Variants in IFITM10 observed in about 807,000 individuals in gnomAD.
IFITM10 encodes interferon induced transmembrane protein 10, also known as interferon-induced transmembrane protein 10.
In IFITM10, 17 loss-of-function variants were observed where a neutral mutation model predicts 19.0. The observed-to-expected ratio is 0.90, with a 90% CI of 0.61 to 1.34. IFITM10 has a LOEUF of 1.34. Among genes scored for constraint, IFITM10 ranks in the 40% most tolerant of loss-of-function variants. The pLI, the probability that IFITM10 is intolerant of heterozygous loss-of-function variation, is 0.00. For missense variants in IFITM10, 306 were observed against 319.8 expected (o/e 0.96, Z 0.33); for synonymous variants, 148 against 147.2 (o/e 1.01, Z -0.04).
rs1308630264 is a variant in IFITM10 at position 1,735,360 on chromosome 11, T to C, written c.607A>G (p.Asn203Asp). The C allele has an allele frequency of 6.4e-7, 1 of 1,551,578 alleles. No individual in the cohort carries two copies. The highest frequency in any genetic ancestry group is 1.4e-5 in the African/African-American group (1 of 73,038). Reference sequence around the variant, plus strand: ...GCTGCCAGGGCAGAACTGGTGATGTTGAACAGCCGGGCCGTCTTTGCATCC... The same window carrying C: ...GCTGCCAGGGCAGAACTGGTGATGTCGAACAGCCGGGCCGTCTTTGCATCC... ...VEDAKTARLF[N>D]ITSSALAASC... Residue 203 changes from asparagine to aspartate, a missense_variant, in exon 3 of 3, where the codon AAC (asparagine) becomes GAC (aspartate). Physicochemically the swap from Asn to Asp is conservative, Grantham distance 23. Transcript: ENST00000340134.
intron 2 of IFITM10, among the ~76,000 whole-genome samples, chr11:1,743,909 C>T (rs1300682811): frequency 1.3e-5 from 2 of 152,084 alleles, no homozygotes; most frequent in East Asian, 1.9e-4. Flanking sequence ...CAGCCCCTCA[C>T]GAGGTTTTCA....
intron 2 of IFITM10, among the ~76,000 whole-genome samples, chr11:1,741,152 C>T (rs181989399): frequency 9.2e-5 from 14 of 151,972 alleles, no homozygotes; most frequent in African/African-American, 1.4e-4. Context: ...TGTGCAAGAA[C>T]GGCCTAATAC....
rs1565015628 is a variant in IFITM10 at position 1,748,094 on chromosome 11, G to A, written c.110C>T (p.Ala37Val). The A allele has an allele frequency of 7.1e-7, 1 of 1,405,286 alleles. No individual in the cohort carries two copies. Among genetic ancestry groups the A allele is most frequent in the Non-Finnish European group, 9.2e-7 (1 of 1,087,392 alleles). The allele number at this position is 1,405,286 out of a possible 1,614,324, so 87.1% of individuals were successfully genotyped here. Reference protein sequence around the residue: ...LEAQGPGQCPAPLGDPASTTD... With the variant: ...LEAQGPGQCPVPLGDPASTTD... The stretch of plus-strand genomic sequence containing the variant: ...GGTGCTGGCCGGGTCTCCCAGCGGG[G>A]CTGGGCACTGGCCGGGGCCCTGGGC... The change falls in exon 2 of 3, where the codon GCC (alanine) becomes GTC (valine). Residue 37 changes from alanine (A) to valine (V), a missense_variant. Physicochemically the swap from Ala to Val is moderately conservative, Grantham distance 64 (BLOSUM62 0). Coordinates refer to ENST00000340134, the MANE Select transcript of IFITM10 (RefSeq NM_001170820.4).
intron 1 of IFITM10, 152 bp downstream of exon 1, chr11:1,750,207 C>G (rs2133653318): frequency 2.3e-6 from 2 of 852,436 alleles, no homozygotes; most frequent in South Asian, 1.1e-4. Context: ...CACATCCTCA[C>G]TCTCACGGTA....
chr11:1,735,426 G>A lies in IFITM10; in HGVS notation c.541C>T (p.Arg181Ter), dbSNP rs534430165. ...FIALAYSLKV[R>*]DKKLLNDLNG... ...AGGTCATTGAGAAGCTTCTTGTCTC[G>A]CACCTGAAGCCGGGAGGAGGACAGG... Residue 181 changes from arginine to a stop codon, truncating the protein, a stop_gained, in exon 3 of 3, where the codon CGA becomes TGA. Transcript: ENST00000340134. LOFTEE classifies it high-confidence loss of function. The A allele has an allele frequency of 3.7e-5, 58 of 1,550,894 alleles. No homozygotes were observed. The highest frequency in any genetic ancestry group is 4.5e-5 in the Non-Finnish European group (52 of 1,146,474).
At chr11:1,738,027 T>G (rs1388710627) in intron 2 of IFITM10, among the ~76,000 whole-genome samples, 1 of 151,362 alleles carries the variant, frequency 6.6e-6, no homozygotes, top group African/African-American at 2.4e-5. Flanking sequence ...CTAAAGAAGA[T>G]AGGGAAGAGG....
At chr11:1,745,524 GCT>G (rs1288559244) in intron 2 of IFITM10, 1 of 152,556 alleles carries the variant, frequency 6.6e-6, no homozygotes, top group Non-Finnish European at 1.5e-5. Context: ...ACACACACAT[GCT>G]CTCACACACT....
chr11:1,749,108 C>T (rs1200097631), intron 1 of IFITM10: 2 of 1,099,154 alleles, frequency 1.8e-6, no homozygotes, highest in East Asian at 1.0e-4. Flanking sequence ...TCCACTGATC[C>T]GCCTCCCAGC....
chr11:1,743,475 G>A (rs545104456), intron 2 of IFITM10, among the ~76,000 whole-genome samples: 1 of 149,900 alleles, frequency 6.7e-6, no homozygotes, highest in East Asian at 2.0e-4. Context: ...TGGATGGATG[G>A]ATGCATATGG....
At chr11:1,739,026 C>T (rs899592064) in intron 2 of IFITM10, among the ~76,000 whole-genome samples, 8 of 131,666 alleles carry the variant, frequency 6.1e-5, no homozygotes, top group Non-Finnish European at 9.2e-5. Context: ...TGCACTCCAG[C>T]CTGGGTGACA....
intron 2 of IFITM10, among the ~76,000 whole-genome samples, chr11:1,735,700 G>C (rs906821020): frequency 6.6e-6 from 1 of 152,200 alleles, no homozygotes; most frequent in African/African-American, 2.4e-5. Flanking sequence ...TATATATATA[G>C]AGAAAAGCAA....
At chr11:1,740,854 C>A (rs1274568729) in intron 2 of IFITM10, among the ~76,000 whole-genome samples, 2 of 99,810 alleles carry the variant, frequency 2.0e-5, no homozygotes, top group Non-Finnish European at 4.4e-5. Context: ...TGGCTTGATG[C>A]TGTCCTCACC....
intron 2 of IFITM10, among the ~76,000 whole-genome samples, chr11:1,737,204 ACTTAGT>A (rs79564424): frequency 0.17 from 25,464 of 152,036 alleles, 2,685 homozygotes; most frequent in Non-Finnish European, 0.22. Flanking sequence ...CTTTTGTTAG[ACTTAGT>A]CTTAGTCTAT....
chr11:1,748,947 C>T (rs997548905), intron 1 of IFITM10: 12 of 741,720 alleles, frequency 1.6e-5, no homozygotes, highest in African/African-American at 1.9e-5. Flanking sequence ...GGGGGGTCTG[C>T]GGCCGAGGCT....
chr11:1,743,833 A>T (rs1259466446), intron 2 of IFITM10, among the ~76,000 whole-genome samples: 1 of 151,302 alleles, frequency 6.6e-6, no homozygotes, highest in African/African-American at 2.4e-5. Flanking sequence ...CTTCCCCTAC[A>T]CTGGTTGCAG....
intron 2 of IFITM10, among the ~76,000 whole-genome samples, chr11:1,740,579 C>G (rs1290045347): frequency 6.6e-6 from 1 of 152,070 alleles, no homozygotes; most frequent in Non-Finnish European, 1.5e-5. Context: ...AAAAGGAAGA[C>G]TCGTTTAGCA....
intron 2 of IFITM10, among the ~76,000 whole-genome samples, chr11:1,747,019 A>T (rs533388471): frequency 6.6e-6 from 1 of 152,090 alleles, no homozygotes; most frequent in East Asian, 1.9e-4. Context: ...CCTTGCCCTC[A>T]GGGGGACAGG....
rs77958954 is a variant in IFITM10 at position 1,746,521 on chromosome 11, C to G, written c.537+1146G>C. The G allele has an allele frequency of 3.2e-3, 1,288 of 398,580 alleles. 3 individuals are homozygous for G. Among genetic ancestry groups the G allele is most frequent in the Non-Finnish European group, 5.0e-3 (1,133 of 226,038 alleles). The allele number at this position is 398,580 out of a possible 1,614,324, so 24.7% of individuals were successfully genotyped here. A position where few individuals can be genotyped will look rare whatever the true frequency, so the allele number is the denominator to read the frequency against. On this transcript the variant is annotated intron_variant, in intron 2 of 2. Transcript: ENST00000340134. Reference sequence around the variant, plus strand: ...CTGTGTCAGAGCCCAGGGATGGATCCGCAGGCCCGAGGTTGAAGGTGCCCG... The same window carrying G: ...CTGTGTCAGAGCCCAGGGATGGATCGGCAGGCCCGAGGTTGAAGGTGCCCG...
At chr11:1,739,690 G>A (rs934076589) in intron 2 of IFITM10, among the ~76,000 whole-genome samples, 9 of 152,108 alleles carry the variant, frequency 5.9e-5, no homozygotes, top group African/African-American at 9.7e-5. Flanking sequence ...AGTCTAGCTC[G>A]GTGGCCAGGG....
Sources: gnomAD v4.1 joint callset for allele counts (sites outside exome capture counted in the v4.1 genomes callset) on GRCh38, gnomAD v4.1.1 for gene constraint, MANE v1.5 for transcripts, NCBI Gene and HGNC (gene_info 2026-07-23, HGNC 2026-07-21) for gene names.